The following TRPC3 variants were observed in gnomAD, a reference collection of about 807,000 sequenced individuals.
TRPC3 encodes transient receptor potential cation channel subfamily C member 3, also known as short transient receptor potential channel 3.
In TRPC3, 54 loss-of-function variants were observed where a neutral mutation model predicts 90.9. That is an observed-to-expected ratio of 0.59 (90% CI 0.48 to 0.75). The LOEUF (loss-of-function observed/expected upper bound fraction) is 0.75. Among genes scored for constraint, TRPC3 ranks in the 30% least tolerant of loss-of-function variants. TRPC3 has a pLI of 0.00. For synonymous variants in TRPC3, 424 were observed against 450.9 expected, an observed-to-expected ratio of 0.94 and a Z score of 0.75; for missense variants, 918 against 1,194.5, an observed-to-expected ratio of 0.77 and a Z score of 3.41.
intron 7 of TRPC3, among the ~76,000 whole-genome samples, chr4:121,904,910 A>ATACCCAATTTTTAAG (rs1728828370): frequency 6.6e-6 from 1 of 152,176 alleles, no homozygotes. Context: ...TTAAAATTAT[A>ATACCCAATTTTTAAG]TACCCAATTT....
chr4:121,930,830 T>TAAA (rs71599162), intron 2 of TRPC3: 1,231 of 203,686 alleles, frequency 6.0e-3, no homozygotes, highest in South Asian at 8.8e-3. Context: ...CTCTGAGATC[T>TAAA]AAAAAAAAAA....
chr4:121,929,031 C>T (rs2149139416), intron 2 of TRPC3, among the ~76,000 whole-genome samples: 1 of 152,288 alleles, frequency 6.6e-6, no homozygotes, highest in Admixed American at 6.5e-5. Context: ...CATGAATAAT[C>T]CTACCCAATA....
At chr4:121,885,806 CA>C (rs1370933057) in intron 10 of TRPC3, among the ~76,000 whole-genome samples, 1 of 129,964 alleles carries the variant, frequency 7.7e-6, no homozygotes, top group Admixed American at 8.0e-5. Flanking sequence ...CCCTCTTGCT[CA>C]AATTGCTAAC....
intron 9 of TRPC3, among the ~76,000 whole-genome samples, chr4:121,900,978 TC>T (rs906799721): frequency 2.0e-5 from 3 of 152,182 alleles, no homozygotes; most frequent in Non-Finnish European, 4.4e-5. Flanking sequence ...TCCTTCTTGT[TC>T]CTGTGAACAG....
intron 1 of TRPC3, among the ~76,000 whole-genome samples, chr4:121,945,045 T>G (rs1730438297): frequency 6.6e-6 from 1 of 152,212 alleles, no homozygotes; most frequent in Non-Finnish European, 1.5e-5. Flanking sequence ...TCAAACATTC[T>G]ATTATTCTTC....
Position 121,876,636 on chromosome 4 carries a change from T to C in TRPC3, c.*3100A>G, listed in dbSNP as rs1727769943. On this transcript the variant is annotated 3_prime_UTR_variant, in exon 12 of 12. Coordinates refer to ENST00000379645, the MANE Select transcript of TRPC3 (RefSeq NM_001130698.2). ...TCCTAAATTGTACCAAATTTGCTTT[T>C]AATAATCACAACATATCATTTTTGT... Among the ~76,000 whole-genome samples the C allele has an allele frequency of 6.6e-6, 1 of 152,236 alleles. No individual in the cohort carries two copies. The highest frequency in any genetic ancestry group is 1.5e-5 in the Non-Finnish European group (1 of 68,038).
intron 7 of TRPC3, among the ~76,000 whole-genome samples, chr4:121,905,972 C>T (rs1728866150): frequency 1.3e-5 from 2 of 152,068 alleles, no homozygotes; most frequent in African/African-American, 2.4e-5. Flanking sequence ...CCGCTCCTTC[C>T]TCTTGCTCCT....
intron 10 of TRPC3, among the ~76,000 whole-genome samples, chr4:121,891,613 A>G (rs140713788): frequency 1.3e-5 from 2 of 152,278 alleles, no homozygotes; most frequent in East Asian, 3.9e-4. Flanking sequence ...CAGGACATAC[A>G]TTTCCCTTTG....
chr4:121,934,260 A>T (rs1235382389), intron 1 of TRPC3, among the ~76,000 whole-genome samples: 1 of 152,158 alleles, frequency 6.6e-6, no homozygotes, highest in East Asian at 1.9e-4. Flanking sequence ...CCTCATGAAT[A>T]AAAAGCTTTT....
chr4:121,887,767 T>C (rs978349819), intron 10 of TRPC3, among the ~76,000 whole-genome samples: 1 of 152,212 alleles, frequency 6.6e-6, no homozygotes, highest in Non-Finnish European at 1.5e-5. Flanking sequence ...ATAGCATATC[T>C]GCGTGCTTTT....
intron 1 of TRPC3, among the ~76,000 whole-genome samples, chr4:121,945,650 A>G (rs1213739687): frequency 6.6e-6 from 1 of 152,190 alleles, no homozygotes; most frequent in Non-Finnish European, 1.5e-5. Flanking sequence ...AAGTGCATAG[A>G]AACCCTCCCC....
chr4:121,936,557 C>T (rs1304762254), intron 1 of TRPC3, among the ~76,000 whole-genome samples: 1 of 152,168 alleles, frequency 6.6e-6, no homozygotes, highest in Non-Finnish European at 1.5e-5. Context: ...CAAATTGTGT[C>T]CCCACAAAAT....
At chr4:121,935,887 T>C (rs189174518) in intron 1 of TRPC3, among the ~76,000 whole-genome samples, 1 of 152,332 alleles carries the variant, frequency 6.6e-6, no homozygotes, top group Admixed American at 6.5e-5. Flanking sequence ...AGGACATCAT[T>C]CTTTCATCAA....
chr4:121,925,409 C>G (rs1010816693), intron 2 of TRPC3, among the ~76,000 whole-genome samples: 1 of 151,998 alleles, frequency 6.6e-6, no homozygotes, highest in Admixed American at 6.6e-5. Flanking sequence ...CTGCAACCAG[C>G]CCAACCATCC....
At chr4:121,925,504 T>C (rs982956229) in intron 2 of TRPC3, among the ~76,000 whole-genome samples, 24 of 152,084 alleles carry the variant, frequency 1.6e-4, no homozygotes, top group African/African-American at 5.8e-4. Flanking sequence ...GAAAAGTGGC[T>C]ACCAGAGGCA....
At chr4:121,898,292 G>A (rs923536355) in intron 10 of TRPC3, among the ~76,000 whole-genome samples, 2 of 152,170 alleles carry the variant, frequency 1.3e-5, no homozygotes, top group Non-Finnish European at 2.9e-5. Context: ...ATCTGTCCGT[G>A]GCCTGTCAGG....
chr4:121,906,042 G>T (rs1728868164), intron 7 of TRPC3, among the ~76,000 whole-genome samples: 1 of 152,088 alleles, frequency 6.6e-6, no homozygotes, highest in Admixed American at 6.6e-5. Context: ...TGTGTGGGAA[G>T]AGGGGGATAG....
chr4:121,931,575 AAGCAAATCACTTTGC>A (rs1729931548), intron 2 of TRPC3, among the ~76,000 whole-genome samples: 1 of 152,238 alleles, frequency 6.6e-6, no homozygotes, highest in African/African-American at 2.4e-5. Context: ...AAATCTCTTA[AAGCAAATCACTTTGC>A]TGTCCTCATA....
At chr4:121,950,183 A>T (rs1578665587) in intron 1 of TRPC3, among the ~76,000 whole-genome samples, 1 of 151,594 alleles carries the variant, frequency 6.6e-6, no homozygotes, top group South Asian at 2.1e-4. Context: ...TAAAATCAGA[A>T]CTCTTCCCTA....
Sources: allele counts gnomAD v4.1 joint callset (sites outside exome capture counted in the v4.1 genomes callset), GRCh38; gene constraint gnomAD v4.1.1; transcripts MANE v1.5; gene names NCBI Gene and HGNC (gene_info 2026-07-23, HGNC 2026-07-21).